CNTNAP2: variants seen among roughly 807,000 people sequenced by gnomAD.
CNTNAP2 encodes the protein contactin-associated protein-like 2.
In CNTNAP2, 98 loss-of-function variants were observed where a neutral mutation model predicts 155.2. The observed-to-expected ratio is 0.63, with a 90% CI of 0.54 to 0.75. The LOEUF is 0.75. Ranked by LOEUF, CNTNAP2 falls within the 30% of genes least tolerant of loss-of-function variation. The pLI is 0.00. For missense variants in CNTNAP2, 1,727 were observed against 1,688.1 expected (o/e 1.02, Z -0.40); for synonymous variants, 651 against 631.2 (o/e 1.03, Z -0.47).
At chr7:147,099,708 G>T (rs973468163) in intron 4 of CNTNAP2, among the ~76,000 whole-genome samples, 1 of 152,156 alleles carries the variant, frequency 6.6e-6, no homozygotes, top group Non-Finnish European at 1.5e-5. Flanking sequence ...CGAAATAAAT[G>T]TTGGGAATAA....
intron 3 of CNTNAP2, among the ~76,000 whole-genome samples, chr7:146,877,347 A>T (rs1795450415): frequency 6.6e-6 from 1 of 151,742 alleles, no homozygotes; most frequent in African/African-American, 2.4e-5. Context: ...TCTATAACAA[A>T]ACTTAAAATT....
chr7:146,237,084 A>G (rs1799486886), intron 1 of CNTNAP2, among the ~76,000 whole-genome samples: 1 of 152,178 alleles, frequency 6.6e-6, no homozygotes, highest in Admixed American at 6.5e-5. Flanking sequence ...GAGAAAGACA[A>G]TTTGATGCCC....
intron 11 of CNTNAP2, among the ~76,000 whole-genome samples, chr7:147,486,935 G>A (rs1798520611): frequency 1.4e-5 from 2 of 139,626 alleles, no homozygotes; most frequent in South Asian, 4.6e-4. Flanking sequence ...AAGAGCAAGA[G>A]AAAAAGAGAG....
intron 15 of CNTNAP2, among the ~76,000 whole-genome samples, chr7:147,986,452 G>T (rs368848891): frequency 8.6e-5 from 13 of 151,962 alleles, no homozygotes; most frequent in East Asian, 1.9e-4. Flanking sequence ...TTTGCCTCAC[G>T]TATAGCTCAA....
chr7:148,315,631 G>T (rs1797674461), intron 21 of CNTNAP2, among the ~76,000 whole-genome samples: 1 of 152,132 alleles, frequency 6.6e-6, no homozygotes, highest in Non-Finnish European at 1.5e-5. Context: ...GTTGTTAATT[G>T]CTCTGGTTAT....
intron 8 of CNTNAP2, among the ~76,000 whole-genome samples, chr7:147,133,682 T>C (rs182236004): frequency 9.2e-5 from 14 of 152,190 alleles, no homozygotes; most frequent in Admixed American, 3.9e-4. Flanking sequence ...TCCCCTGCTA[T>C]AGAACATATA....
chr7:146,810,620 C>T (rs1156858706), intron 2 of CNTNAP2, among the ~76,000 whole-genome samples: 1 of 138,358 alleles, frequency 7.2e-6, no homozygotes, highest in Non-Finnish European at 1.5e-5. Context: ...AGGATGCTTT[C>T]TATCTGTTTT....
rs1554412052 is a variant in CNTNAP2, at chr7:146,937,357, A to AAT, written c.402+97454_402+97455insTA. On this transcript the variant is annotated intron_variant, in intron 3 of 23. Transcript: ENST00000361727. ...CAGGGTGAGACTCTTGTCTCAAAAA[A>AAT]AAAAATAAAAATAAAATAAAATAAA... Among the ~76,000 whole-genome samples, 10 of 135,996 alleles carry AAT rather than the reference A, an allele frequency of 7.4e-5. No homozygotes were observed. In the South Asian group the frequency reaches 1.7e-3, roughly 23 times the overall value. 89.2% of individuals were successfully genotyped at this position (135,996 alleles called of 152,430 possible).
intron 1 of CNTNAP2, among the ~76,000 whole-genome samples, chr7:146,202,385 G>A (rs959852061): frequency 1.3e-5 from 2 of 152,102 alleles, no homozygotes; most frequent in African/African-American, 4.8e-5. Flanking sequence ...TCTCTTGAGT[G>A]AATTTCTCAG....
At chr7:147,878,143 G>A (rs938529871) in intron 13 of CNTNAP2, among the ~76,000 whole-genome samples, 3 of 99,020 alleles carry the variant, frequency 3.0e-5, no homozygotes, top group African/African-American at 1.4e-4. Context: ...GGAAGTTTAG[G>A]GTTTTTTTTT....
intron 15 of CNTNAP2, among the ~76,000 whole-genome samples, chr7:148,046,090 T>C (rs1802769186): frequency 6.6e-6 from 1 of 152,132 alleles, no homozygotes; most frequent in Non-Finnish European, 1.5e-5. Context: ...CCAGTTTTTG[T>C]TTTTGTTTGA....
At chr7:146,800,656 G>A (rs1178901985) in intron 2 of CNTNAP2, among the ~76,000 whole-genome samples, 1 of 152,148 alleles carries the variant, frequency 6.6e-6, no homozygotes, top group Non-Finnish European at 1.5e-5. Flanking sequence ...AACTTATGGG[G>A]CCTTATTTAG....
chr7:148,128,605 A>G (rs1804762872), intron 16 of CNTNAP2, among the ~76,000 whole-genome samples: 1 of 152,226 alleles, frequency 6.6e-6, no homozygotes, highest in Non-Finnish European at 1.5e-5. Context: ...TTCTTTGCCA[A>G]TTACACTGAA....
At chr7:146,315,812 G>A (rs761067512) in intron 1 of CNTNAP2, among the ~76,000 whole-genome samples, 5 of 152,012 alleles carry the variant, frequency 3.3e-5, no homozygotes, top group Non-Finnish European at 7.4e-5. Context: ...GCTTAGAATT[G>A]CCTTAGAATG....
rs535410413 is a variant in CNTNAP2, at chr7:146,991,783, A to G, written c.403-52124A>G. 4.0e-4 allele frequency among the ~76,000 whole-genome samples: 61 copies of G among 152,294 alleles called. 1 individual carries two copies. The Middle Eastern group carries it at 0.014, about 34-fold the overall frequency. ...TTGAACAACAAAACTCAACACGATCATTTTTTGAAATCTTCCGTGTTGTTA... is the reference window on the plus strand; with the variant it reads ...TTGAACAACAAAACTCAACACGATCGTTTTTTGAAATCTTCCGTGTTGTTA... On this transcript the variant is annotated intron_variant, in intron 3 of 23. Coordinates refer to ENST00000361727, the MANE Select transcript of CNTNAP2 (RefSeq NM_014141.6).
intron 13 of CNTNAP2, among the ~76,000 whole-genome samples, chr7:147,826,168 A>G (rs564597116): frequency 6.4e-4 from 97 of 152,294 alleles, no homozygotes; most frequent in South Asian, 1.7e-3. Flanking sequence ...ATGAGTTTAG[A>G]GAAAGACTGA....
At chr7:147,724,749 G>A (rs959310409) in intron 13 of CNTNAP2, among the ~76,000 whole-genome samples, 3 of 151,986 alleles carry the variant, frequency 2.0e-5, no homozygotes, top group African/African-American at 7.2e-5. Context: ...GAATTCAGAA[G>A]TATAGTCTTG....
At chr7:146,934,112 A>G (rs952789255) in intron 3 of CNTNAP2, among the ~76,000 whole-genome samples, 5 of 152,060 alleles carry the variant, frequency 3.3e-5, no homozygotes, top group Admixed American at 6.5e-5. Flanking sequence ...AAGGACTATA[A>G]ATCATGCTGC....
intron 1 of CNTNAP2, among the ~76,000 whole-genome samples, chr7:146,621,931 T>A (rs530692062): frequency 6.6e-6 from 1 of 152,150 alleles, no homozygotes; most frequent in African/African-American, 2.4e-5. Context: ...TATGGACACA[T>A]GAAATTTGAT....
Sources: allele counts gnomAD v4.1 joint callset (sites outside exome capture counted in the v4.1 genomes callset), GRCh38; gene constraint gnomAD v4.1.1; transcripts MANE v1.5; gene names NCBI Gene and HGNC (gene_info 2026-07-23, HGNC 2026-07-21).